RAD9B: variants seen among roughly 807,000 people sequenced by gnomAD.
The protein encoded by RAD9B is RAD9 checkpoint clamp component B.
In RAD9B, 41 loss-of-function variants were observed where a neutral mutation model predicts 48.3. The observed-to-expected ratio is 0.85, with a 90% CI of 0.66 to 1.10. The LOEUF is 1.10. Ranked by LOEUF, RAD9B falls within the 50% of genes least tolerant of loss-of-function variation. The pLI is 0.00. For synonymous variants in RAD9B, 160 were observed against 157.9 expected (o/e 1.01, Z -0.10); for missense variants, 444 against 485.1 (o/e 0.92, Z 0.80).
At chr12:110,516,398 C>T (rs1242618245) in intron 6 of RAD9B, among the ~76,000 whole-genome samples, 2 of 152,266 alleles carry the variant, frequency 1.3e-5, no homozygotes, top group East Asian at 3.9e-4. Flanking sequence ...TTATAGTTGA[C>T]TGGCAATCTA....
At chr12:110,504,400 T>C (rs73191825) in intron 2 of RAD9B, among the ~76,000 whole-genome samples, 12,046 of 145,976 alleles carry the variant, frequency 0.083, 524 homozygotes, top group Middle Eastern at 0.12. Context: ...ATCCAGCAGA[T>C]GGAGGTTGCA....
At chr12:110,513,169 C>T (rs1264013916) in intron 5 of RAD9B, among the ~76,000 whole-genome samples, 1 of 151,778 alleles carries the variant, frequency 6.6e-6, no homozygotes, top group African/African-American at 2.4e-5. Flanking sequence ...GGGGTTTTAC[C>T]GTGTTAGCCA....
intron 10 of RAD9B, among the ~76,000 whole-genome samples, chr12:110,523,227 G>A (rs138910522): frequency 6.6e-6 from 1 of 152,092 alleles, no homozygotes; most frequent in Non-Finnish European, 1.5e-5. Flanking sequence ...CTTGAGCTAC[G>A]AGTTCAAGAC....
In RAD9B at chr12:110,533,518, T is replaced by C. The variant is rs1369791301; in HGVS notation, c.*2865T>C. The C allele has an allele frequency of 1.3e-5, 2 of 152,236 alleles. No homozygotes were observed. The highest frequency in any genetic ancestry group is 3.8e-4 in the East Asian group (2 of 5,208). The allele number at this position is 152,236 out of a possible 1,614,324, so 9.4% of individuals were successfully genotyped here. The stretch of plus-strand genomic sequence containing the variant: ...CACGTTTTAGTTGAGAAGTTCAATT[T>C]TGCAAAGAATTTAATTTTAAATAAA... On this transcript the variant is annotated 3_prime_UTR_variant, in exon 11 of 11. Transcript: ENST00000409300.
chr12:110,522,028 A>G, intron 9 of RAD9B, 149 bp from the exon 10 acceptor site: 1 of 597,212 alleles, frequency 1.7e-6, no homozygotes, highest in Non-Finnish European at 2.9e-6. Context: ...TCATATATAT[A>G]AATTTTAACT....
intron 6 of RAD9B, among the ~76,000 whole-genome samples, chr12:110,516,351 G>A (rs912456379): frequency 1.3e-5 from 2 of 152,152 alleles, no homozygotes; most frequent in African/African-American, 4.8e-5. Flanking sequence ...TTAGTAGCCA[G>A]GAGAAACTGT....
rs1363041461 is a variant in RAD9B, at chr12:110,531,628, GACATAGA to G, written c.*979_*985del. On this transcript the variant is annotated 3_prime_UTR_variant, in exon 11 of 11. Coordinates refer to ENST00000409300, the MANE Select transcript of RAD9B (RefSeq NM_001286535.2). ...GATGCCAAATATTTCTGTATTATCT[GACATAGA>G]ACAGTATCCTCCACTGCCAAGACAG... The G allele has an allele frequency of 6.2e-7, 1 of 1,610,842 alleles. No homozygotes were observed. The highest frequency in any genetic ancestry group is 1.7e-5 in the Admixed American group (1 of 59,850).
chr12:110,523,006 A>C (rs2063831210), intron 10 of RAD9B, among the ~76,000 whole-genome samples: 1 of 152,176 alleles, frequency 6.6e-6, no homozygotes, highest in African/African-American at 2.4e-5. Context: ...AGTATCTCAA[A>C]TATTGATAAT....
At chr12:110,524,556 C>T (rs776286194) in intron 10 of RAD9B, among the ~76,000 whole-genome samples, 21 of 151,528 alleles carry the variant, frequency 1.4e-4, no homozygotes, top group East Asian at 1.2e-3. Flanking sequence ...AGCAAGACTC[C>T]GTCTCAAAAA....
In RAD9B at chr12:110,530,695, C is replaced by A; in HGVS notation, c.*42C>A. ...AGCTGGGCCCCAGCCCAGTGACTGGCTCATTTGCCCCTCAAGCACGAGTTT... is the reference window on the plus strand; with the variant it reads ...AGCTGGGCCCCAGCCCAGTGACTGGATCATTTGCCCCTCAAGCACGAGTTT... On this transcript the variant is annotated 3_prime_UTR_variant, in exon 11 of 11. Coordinates refer to ENST00000409300, the MANE Select transcript of RAD9B (RefSeq NM_001286535.2). 2 of 1,609,680 alleles carry A rather than the reference C, an allele frequency of 1.2e-6. No individual in the cohort carries two copies. The highest frequency in any genetic ancestry group is 8.5e-7 in the Non-Finnish European group (1 of 1,177,612).
chr12:110,526,036 T>G (rs73191834), intron 10 of RAD9B, among the ~76,000 whole-genome samples: 17,038 of 151,976 alleles, frequency 0.11, 1,154 homozygotes, highest in African/African-American at 0.19. Flanking sequence ...AGGGTTTCAC[T>G]GTGTTGGCCA....
intron 10 of RAD9B, among the ~76,000 whole-genome samples, chr12:110,526,908 CAAA>C (rs113540015): frequency 8.3e-5 from 6 of 72,462 alleles, no homozygotes; most frequent in Middle Eastern, 0.01. Context: ...GACTCCATCT[CAAA>C]AAAAAAAAAA....
At chr12:110,509,601 A>G (rs1009133672) in intron 4 of RAD9B, among the ~76,000 whole-genome samples, 1 of 152,178 alleles carries the variant, frequency 6.6e-6, no homozygotes, top group Non-Finnish European at 1.5e-5. Context: ...ATGAAGGAGA[A>G]GTGTGAAAAA....
chr12:110,515,054 C>T lies in RAD9B; in HGVS notation c.493C>T (p.Leu165Phe). 1.3e-6 allele frequency: 2 copies of T among 1,542,956 alleles called. No homozygotes were observed. Among genetic ancestry groups the T allele is most frequent in the South Asian group, 1.2e-5 (1 of 83,746 alleles). ...ACTGTTCTTTACATTTTATAGATTG[C>T]TTGCTGATGCCATTGTTCTTTTTAC... The part of the protein sequence containing the change: ...TNTLMIQPRL[L>F]ADAIVLFTSS... The change falls in exon 6 of 11, where the codon CTT (leucine) becomes TTT (phenylalanine). Residue 165 changes from leucine (L) to phenylalanine (F), a missense_variant. Coordinates refer to ENST00000409300, the MANE Select transcript of RAD9B (RefSeq NM_001286535.2).
At chr12:110,516,823 A>G (rs973672492) in intron 6 of RAD9B, among the ~76,000 whole-genome samples, 10 of 152,018 alleles carry the variant, frequency 6.6e-5, no homozygotes, top group Non-Finnish European at 1.0e-4. Flanking sequence ...AATAATAATA[A>G]TAATAAATAT....
chr12:110,518,985 C>T (rs1474775238), intron 8 of RAD9B, 47 bp downstream of exon 8: 1 of 1,252,460 alleles, frequency 8.0e-7, no homozygotes, highest in Admixed American at 2.6e-5. Flanking sequence ...TGTTTTATAT[C>T]AATAACAAAA....
chr12:110,522,969 G>GA (rs1465491567), intron 10 of RAD9B, among the ~76,000 whole-genome samples: 1 of 152,158 alleles, frequency 6.6e-6, no homozygotes, highest in Admixed American at 6.5e-5. Flanking sequence ...CTACTGAACT[G>GA]AAGGTAAGCA....
chr12:110,505,466 A>C (rs918958693), intron 2 of RAD9B, 151 bp from the exon 3 acceptor site: 8 of 465,126 alleles, frequency 1.7e-5, no homozygotes, highest in Non-Finnish European at 2.9e-5. Context: ...AAAAAAATAG[A>C]GGTGGGGTCT....
At position 110,531,654 on chromosome 12, in the gene RAD9B, A is replaced by G. The variant is rs1211942470; in HGVS notation, c.*1001A>G. ...ACATAGAACAGTATCCTCCACTGCC[A>G]AGACAGCCTGAGTTTGGAGTGGAAT... On this transcript the variant is annotated 3_prime_UTR_variant, in exon 11 of 11. Coordinates refer to ENST00000409300, the MANE Select transcript of RAD9B (RefSeq NM_001286535.2). The G allele has an allele frequency of 6.2e-7, 1 of 1,606,238 alleles. No homozygotes were observed. The highest frequency in any genetic ancestry group is 8.5e-7 in the Non-Finnish European group (1 of 1,177,194).
Sources: gnomAD v4.1 joint callset for allele counts (sites outside exome capture counted in the v4.1 genomes callset) on GRCh38, gnomAD v4.1.1 for gene constraint, MANE v1.5 for transcripts, NCBI Gene and HGNC (gene_info 2026-07-23, HGNC 2026-07-21) for gene names.